ZNF143: variants seen among roughly 807,000 people sequenced by gnomAD.
ZNF143 encodes zinc finger protein 143, also known as SPH-binding factor.
ZNF143 carries 49 observed loss-of-function variants against 74.1 expected under a neutral mutation model. That is an observed-to-expected ratio of 0.66 (90% CI 0.53 to 0.84). The LOEUF (loss-of-function observed/expected upper bound fraction) is 0.84, where lower values mean the gene tolerates loss of function less well. ZNF143 is among the 40% of genes least tolerant of loss of function. The pLI is 0.00. For missense variants in ZNF143, 637 were observed against 793.4 expected, an observed-to-expected ratio of 0.80 and a Z score of 2.37; for synonymous variants, 304 against 282.8, an observed-to-expected ratio of 1.07 and a Z score of -0.75.
At chr11:9,465,607 C>T (rs1447499966) in intron 1 of ZNF143, among the ~76,000 whole-genome samples, 1 of 151,468 alleles carries the variant, frequency 6.6e-6, no homozygotes, top group East Asian at 1.9e-4. Flanking sequence ...TCACACCATT[C>T]TCCTGCCTCA....
At position 9,508,764 on chromosome 11, in the gene ZNF143, G is replaced by A. The variant is rs373554098; in HGVS notation, c.1293G>A (p.Thr431=). ...HCGKTYKQIS[T]LAMHKRTAHN... The stretch of plus-strand genomic sequence containing the variant: ...GGAAGACATACAAGCAGATCTCCAC[G>A]CTGGCCATGCACAAACGGACAGCCC... Residue 431 remains threonine, a synonymous_variant, in exon 12 of 16, where the codon ACG becomes ACA. Coordinates refer to ENST00000396602, the MANE Select transcript of ZNF143 (RefSeq NM_003442.6). The A allele has an allele frequency of 1.2e-5, 20 of 1,612,538 alleles. No homozygotes were observed. Among genetic ancestry groups the A allele is most frequent in the Admixed American group, 5.0e-5 (3 of 59,748 alleles).
chr11:9,473,643 A>G, intron 3 of ZNF143: 1 of 572,258 alleles, frequency 1.7e-6, no homozygotes, highest in Non-Finnish European at 2.9e-6. Context: ...ACTGATTCTA[A>G]GTGACTCTGA....
chr11:9,490,887 C>A (rs1282567312), intron 7 of ZNF143, among the ~76,000 whole-genome samples: 2 of 152,006 alleles, frequency 1.3e-5, no homozygotes, highest in African/African-American at 2.4e-5. Context: ...TACATACCAC[C>A]ACACTCAGCT....
chr11:9,521,257 C>A (rs925432585), intron 14 of ZNF143, among the ~76,000 whole-genome samples: 1 of 152,160 alleles, frequency 6.6e-6, no homozygotes, highest in Non-Finnish European at 1.5e-5. Context: ...GAGGATCATA[C>A]TCTATTAGAG....
At position 9,512,489 on chromosome 11, in the gene ZNF143, G is replaced by A; in HGVS notation, c.1417G>A (p.Val473Ile). 1 of 1,614,234 alleles carries A rather than the reference G, an allele frequency of 6.2e-7. No individual in the cohort carries two copies. Among genetic ancestry groups the A allele is most frequent in the South Asian group, 1.1e-5 (1 of 91,084 alleles). ...DVLKGSQITY[V>I]TGVEGDDVVS... ...TCTTAAAGGGTCCCAGATTACGTAT[G>A]TTACAGGTGTAGAAGGGGACGACGT... Residue 473 changes from valine to isoleucine, a missense_variant, in exon 13 of 16, where the codon GTT becomes ATT. Physicochemically the swap from Val to Ile is conservative, Grantham distance 29. Around this residue, in one of 2 missense-constraint regions of ZNF143, gnomAD observed 344 missense variants for 485.6 expected, o/e 0.71. Transcript: ENST00000396602.
chr11:9,486,364 T>A (rs865980988), intron 7 of ZNF143, among the ~76,000 whole-genome samples: 3 of 43,846 alleles, frequency 6.8e-5, no homozygotes, highest in African/African-American at 9.0e-5. Context: ...ATATATATAT[T>A]ATATATAATA....
chr11:9,525,608 GA>G (rs928691141), intron 15 of ZNF143: 5 of 568,938 alleles, frequency 8.8e-6, no homozygotes, highest in African/African-American at 5.7e-5. Context: ...TTTATAGCAA[GA>G]AAAAAAACCT....
At position 9,514,698 on chromosome 11, in the gene ZNF143, A is replaced by G. The variant is rs186291368; in HGVS notation, c.1525-1503A>G. 9.6e-4 allele frequency among the ~76,000 whole-genome samples: 146 copies of G among 152,390 alleles called. 1 individual carries two copies. Among genetic ancestry groups the G allele is most frequent in the African/African-American group, 3.0e-3 (126 of 41,600 alleles). On this transcript the variant is annotated intron_variant, in intron 13 of 15. Coordinates refer to ENST00000396602, the MANE Select transcript of ZNF143 (RefSeq NM_003442.6). ...TGAAGGGAAGAGCAAAGTCATAAAA[A>G]TACAAGAGAATATGACACTTTCTGG...
In ZNF143 at chr11:9,471,326, A is replaced by G; in HGVS notation, c.18A>G (p.Ile6Met). The G allele has an allele frequency of 6.2e-7, 1 of 1,611,930 alleles. No individual in the cohort carries two copies. Among genetic ancestry groups the G allele is most frequent in the Non-Finnish European group, 8.5e-7 (1 of 1,179,282 alleles). Residue 6 changes from isoleucine to methionine, a missense_variant, in exon 2 of 16, where the codon ATA becomes ATG. Coordinates refer to ENST00000396602, the MANE Select transcript of ZNF143 (RefSeq NM_003442.6). MLLAQ[I>M]NRDSQGMTEF... ...GGTAGAAGATGTTGTTAGCCCAAAT[A>G]AATCGAGATTCTCAGGGAATGACAG...
At chr11:9,494,130 C>CTTTTGACTACTGTACTTTCAGAGTCA (rs1847878206) in intron 7 of ZNF143, among the ~76,000 whole-genome samples, 1 of 152,090 alleles carries the variant, frequency 6.6e-6, no homozygotes, top group Non-Finnish European at 1.5e-5. Flanking sequence ...TGTGACTGTC[C>CTTTTGACTACTGTACTTTCAGAGTCA]TTTTGACTAC....
At chr11:9,510,281 T>C (rs1167524676) in intron 12 of ZNF143, among the ~76,000 whole-genome samples, 1 of 151,884 alleles carries the variant, frequency 6.6e-6, no homozygotes, top group Admixed American at 6.6e-5. Flanking sequence ...CCCGCCACCA[T>C]GCCTGGCTAA....
chr11:9,518,027 T>C lies in ZNF143; in HGVS notation c.1686+1665T>C, dbSNP rs186846377. On this transcript the variant is annotated intron_variant, in intron 14 of 15. Coordinates refer to ENST00000396602, the MANE Select transcript of ZNF143 (RefSeq NM_003442.6). ...CTAAAAACGGACTGTATTGAGAATGTGCAACAAACTTCTACAAATCAACAA... is the reference window on the plus strand; with the variant it reads ...CTAAAAACGGACTGTATTGAGAATGCGCAACAAACTTCTACAAATCAACAA... 2.6e-5 allele frequency among the ~76,000 whole-genome samples: 4 copies of C among 152,278 alleles called. No homozygotes were observed. In the East Asian group the frequency reaches 7.7e-4, roughly 29 times the overall value.
At chr11:9,474,272 T>G (rs1018117468) in intron 4 of ZNF143, among the ~76,000 whole-genome samples, 1 of 152,222 alleles carries the variant, frequency 6.6e-6, no homozygotes, top group African/African-American at 2.4e-5. Context: ...TTCTGTTTTT[T>G]GAGCTGAATC....
chr11:9,494,406 A>T (rs1382193583), intron 7 of ZNF143, among the ~76,000 whole-genome samples: 2 of 152,302 alleles, frequency 1.3e-5, no homozygotes, highest in South Asian at 2.1e-4. Flanking sequence ...CCCCGGGCTC[A>T]GGTGATCCTC....
intron 5 of ZNF143, among the ~76,000 whole-genome samples, chr11:9,477,228 CCCTT>C (rs1352860772): frequency 7.8e-6 from 1 of 128,498 alleles, no homozygotes; most frequent in East Asian, 2.1e-4. Flanking sequence ...TCCCTTCCTT[CCCTT>C]CCTTCCCTTC....
intron 7 of ZNF143, among the ~76,000 whole-genome samples, chr11:9,481,607 G>C (rs1453905405): frequency 6.6e-6 from 1 of 152,012 alleles, no homozygotes; most frequent in Non-Finnish European, 1.5e-5. Flanking sequence ...GCAGTTGTAG[G>C]CTGGGTCCAG....
At chr11:9,486,811 G>T (rs1297038174) in intron 7 of ZNF143, among the ~76,000 whole-genome samples, 1 of 149,564 alleles carries the variant, frequency 6.7e-6, no homozygotes, top group Non-Finnish European at 1.5e-5. Flanking sequence ...TGGGACTACA[G>T]GCACCCGCCA....
At chr11:9,512,405 ATTGG>A (rs756614852) in intron 12 of ZNF143, 39 bp from the exon 13 acceptor site, 6 of 1,591,070 alleles carry the variant, frequency 3.8e-6, no homozygotes, top group East Asian at 2.2e-5. Flanking sequence ...TTCTAAACAA[ATTGG>A]TTGGTTGGTC....
chr11:9,473,894 A>G (rs764966852), intron 3 of ZNF143, 47 bp from the exon 4 acceptor site: 1 of 1,613,470 alleles, frequency 6.2e-7, no homozygotes, highest in Non-Finnish European at 8.5e-7. Context: ...TATAAAGTTT[A>G]AAATTTTTGT....
Sources: allele counts gnomAD v4.1 joint callset (sites outside exome capture counted in the v4.1 genomes callset), GRCh38; gene constraint gnomAD v4.1.1; regional missense constraint gnomAD v4.1.1; transcripts MANE v1.5; gene names NCBI Gene and HGNC (gene_info 2026-07-23, HGNC 2026-07-21).